The following GABRA5 variants were observed in gnomAD, a reference collection of about 807,000 sequenced individuals.
GABRA5 encodes the protein gamma-aminobutyric acid type A receptor subunit alpha5, also known as gamma-aminobutyric acid receptor subunit alpha-5.
GABRA5 carries 18 observed loss-of-function variants against 47.3 expected under a neutral mutation model. The observed-to-expected ratio is 0.38, with a 90% CI of 0.26 to 0.56. GABRA5 has a LOEUF of 0.56. GABRA5 is among the 20% of genes least tolerant of loss of function. GABRA5 has a pLI of 0.71. For synonymous variants in GABRA5, 237 were observed against 229.3 expected (o/e 1.03, Z -0.30); for missense variants, 365 against 599.3 (o/e 0.61, Z 4.08).
chr15:26,907,387 C>T (rs889247076), intron 6 of GABRA5, among the ~76,000 whole-genome samples: 1 of 152,186 alleles, frequency 6.6e-6, no homozygotes, highest in African/African-American at 2.4e-5. Flanking sequence ...GGTCAATGTA[C>T]ACTTTATTCT....
chr15:26,905,417 T>G (rs1893422098), intron 6 of GABRA5, among the ~76,000 whole-genome samples: 1 of 152,098 alleles, frequency 6.6e-6, no homozygotes, highest in Non-Finnish European at 1.5e-5. Flanking sequence ...TCTCTAAAGA[T>G]TCTCTCTTCA....
chr15:26,929,821 G>C (rs1190817610), intron 7 of GABRA5, among the ~76,000 whole-genome samples: 1 of 152,134 alleles, frequency 6.6e-6, no homozygotes, highest in African/African-American at 2.4e-5. Context: ...CCATTGTCTT[G>C]CACAGCAGCT....
intron 7 of GABRA5, among the ~76,000 whole-genome samples, chr15:26,921,820 T>C (rs1328617138): frequency 6.6e-6 from 1 of 152,180 alleles, no homozygotes; most frequent in Admixed American, 6.5e-5. Context: ...AATGTATTTC[T>C]AAATTTCCCT....
At chr15:26,932,906 T>G (rs1894142786) in intron 7 of GABRA5, among the ~76,000 whole-genome samples, 2 of 152,012 alleles carry the variant, frequency 1.3e-5, no homozygotes, top group Admixed American at 1.3e-4. Flanking sequence ...TGAGAACAGA[T>G]GGACACAGGG....
intron 7 of GABRA5, among the ~76,000 whole-genome samples, chr15:26,932,677 T>C (rs183894335): frequency 8.8e-4 from 134 of 152,308 alleles, no homozygotes; most frequent in African/African-American, 3.1e-3. Flanking sequence ...ATATGTTCAT[T>C]GCACCATTCA....
chr15:26,913,664 T>A (rs192617478), intron 6 of GABRA5, among the ~76,000 whole-genome samples: 1 of 152,284 alleles, frequency 6.6e-6, no homozygotes, highest in African/African-American at 2.4e-5. Context: ...TCATTGTATG[T>A]AATTTCATTT....
chr15:26,872,463 G>A (rs1190061705), intron 3 of GABRA5, among the ~76,000 whole-genome samples: 1 of 152,174 alleles, frequency 6.6e-6, no homozygotes, highest in Non-Finnish European at 1.5e-5. Context: ...GGGTAGCCCT[G>A]GATCAAACCA....
chr15:26,922,008 A>G (rs1893854761), intron 7 of GABRA5, among the ~76,000 whole-genome samples: 1 of 152,114 alleles, frequency 6.6e-6, no homozygotes, highest in African/African-American at 2.4e-5. Context: ...TTTATGCACA[A>G]TATGGCCTAC....
intron 6 of GABRA5, among the ~76,000 whole-genome samples, chr15:26,894,889 G>A (rs1413840965): frequency 1.3e-5 from 2 of 151,726 alleles, no homozygotes; most frequent in Non-Finnish European, 2.9e-5. Flanking sequence ...ATTTGTTTCC[G>A]TGGGTCCGAC....
chr15:26,929,792 A>G (rs1409027743), intron 7 of GABRA5, among the ~76,000 whole-genome samples: 1 of 152,126 alleles, frequency 6.6e-6, no homozygotes, highest in East Asian at 1.9e-4. Flanking sequence ...AGGTACCAGC[A>G]TCCCTCCTTT....
intron 3 of GABRA5, among the ~76,000 whole-genome samples, chr15:26,880,213 G>C (rs1323647975): frequency 6.6e-6 from 1 of 152,148 alleles, no homozygotes; most frequent in African/African-American, 2.4e-5. Flanking sequence ...CTTTTCTTGA[G>C]GGCTTATTGT....
rs148344381 is a variant in GABRA5, at chr15:26,892,286, G to T, written c.497+8729G>T. 1.5e-3 allele frequency among the ~76,000 whole-genome samples: 225 copies of T among 152,368 alleles called. 2 individuals carry two copies. The East Asian group carries it at 0.033, about 23-fold the overall frequency. On this transcript the variant is annotated intron_variant, in intron 6 of 10. Coordinates refer to ENST00000335625, the MANE Select transcript of GABRA5 (RefSeq NM_000810.4). Reference sequence around the variant, plus strand: ...CCGTGTGCCAGCCACATTCCCAGCAGTGGGTAGCCGGCTGTGAACGGTGGC... The same window carrying T: ...CCGTGTGCCAGCCACATTCCCAGCATTGGGTAGCCGGCTGTGAACGGTGGC...
chr15:26,870,449 C>T (rs1306626684), intron 3 of GABRA5, among the ~76,000 whole-genome samples: 1 of 152,208 alleles, frequency 6.6e-6, no homozygotes, highest in Non-Finnish European at 1.5e-5. Flanking sequence ...GAGACTTTGT[C>T]CAGCAGAGCT....
intron 9 of GABRA5, 62 bp downstream of exon 9, chr15:26,940,139 A>T: frequency 6.9e-7 from 1 of 1,447,124 alleles, no homozygotes; most frequent in Non-Finnish European, 9.5e-7. Flanking sequence ...ACCACCCGGA[A>T]GCAACAGCAA....
chr15:26,942,761 T>C (rs1894414345), intron 9 of GABRA5, among the ~76,000 whole-genome samples: 1 of 152,210 alleles, frequency 6.6e-6, no homozygotes, highest in African/African-American at 2.4e-5. Context: ...AGCAATCATC[T>C]ATCTAAGTGC....
At chr15:26,939,052 C>T (rs373802405) in intron 8 of GABRA5, among the ~76,000 whole-genome samples, 1 of 152,330 alleles carries the variant, frequency 6.6e-6, no homozygotes, top group African/African-American at 2.4e-5. Flanking sequence ...GTTCACAGTG[C>T]ATCCCAGCTC....
At chr15:26,939,616 A>G (rs1894337290) in intron 8 of GABRA5, 1 of 600,868 alleles carries the variant, frequency 1.7e-6, no homozygotes, top group Non-Finnish European at 3.0e-6. Flanking sequence ...TTGCAGAAGC[A>G]GGCGAGGGAG....
At chr15:26,942,126 C>T (rs1174316703) in intron 9 of GABRA5, among the ~76,000 whole-genome samples, 1 of 152,204 alleles carries the variant, frequency 6.6e-6, no homozygotes, top group Non-Finnish European at 1.5e-5. Flanking sequence ...GTAGTCTCAT[C>T]TCCTTGCTGG....
At position 26,943,265 on chromosome 15, in the gene GABRA5, T is replaced by C; in HGVS notation, c.928T>C (p.Ser310Pro). 1 of 1,568,084 alleles carries C rather than the reference T, an allele frequency of 6.4e-7. No individual in the cohort carries two copies. Among genetic ancestry groups the C allele is most frequent in the African/African-American group, 1.4e-5 (1 of 73,728 alleles). ...GACCCTCAGCATCAGCGCCAGGAAC[T>C]CTCTGCCCAAAGTGGCCTACGCCAC... The part of the protein sequence containing the change: ...MTTLSISARN[S>P]LPKVAYATAM... Residue 310 changes from serine (S) to proline (P), a missense_variant, in exon 10 of 11, where the codon TCT (serine) becomes CCT (proline). By Grantham distance (74) the Ser-to-Pro change is moderately conservative. Around this residue, in one of 3 missense-constraint regions of GABRA5, gnomAD observed 43 missense variants for 133.7 expected, o/e 0.32. Transcript: ENST00000335625.
Sources: allele counts gnomAD v4.1 joint callset (sites outside exome capture counted in the v4.1 genomes callset), GRCh38; gene constraint gnomAD v4.1.1; regional missense constraint gnomAD v4.1.1; transcripts MANE v1.5; gene names NCBI Gene and HGNC (gene_info 2026-07-23, HGNC 2026-07-21).